The following RAPGEF1 variants were observed in gnomAD, a reference collection of about 807,000 sequenced individuals.
RAPGEF1 encodes CRK SH3-binding GNRP.
In RAPGEF1, 33 loss-of-function variants were observed where a neutral mutation model predicts 143.3. The ratio of observed to expected loss-of-function variants is 0.23; its 90% CI spans 0.17 to 0.31. The LOEUF (loss-of-function observed/expected upper bound fraction) is 0.31. RAPGEF1 is among the 10% of genes least tolerant of loss of function. The pLI, the probability that RAPGEF1 is intolerant of heterozygous loss-of-function variation, is 1.00. For synonymous variants in RAPGEF1, 629 were observed against 676.5 expected, an observed-to-expected ratio of 0.93 and a Z score of 1.09; for missense variants, 1,199 against 1,645.4, an observed-to-expected ratio of 0.73 and a Z score of 4.69.
rs150860915 is a variant in RAPGEF1 at position 131,630,397 on chromosome 9, G to A, written c.652-73C>T. 5.5e-3 allele frequency: 8,035 copies of A among 1,450,356 alleles called. 36 individuals are homozygous for A. Among genetic ancestry groups the A allele is most frequent in the Non-Finnish European group, 6.7e-3 (6,960 of 1,038,060 alleles). 89.8% of individuals were successfully genotyped at this position (1,450,356 alleles called of 1,614,324 possible). A position where few individuals can be genotyped will look rare whatever the true frequency, so the allele number is the denominator to read the frequency against. On this transcript the variant is annotated intron_variant, in intron 5 of 26. Transcript: ENST00000683357. The stretch of plus-strand genomic sequence containing the variant: ...AGTTTCCACCAGAAGGCAGGCAGGT[G>A]CTGTCTGTCCTCTGCTGCTGAGTCT...
At chr9:131,587,889 T>C in intron 21 of RAPGEF1, 53 bp downstream of exon 21, 1 of 1,597,620 alleles carries the variant, frequency 6.3e-7, no homozygotes, top group South Asian at 1.1e-5. Flanking sequence ...GATGGGGGTT[T>C]CTCTCATTCA....
chr9:131,604,287 C>T (rs1956751745), intron 13 of RAPGEF1, among the ~76,000 whole-genome samples: 1 of 152,224 alleles, frequency 6.6e-6, no homozygotes, highest in South Asian at 2.1e-4. Context: ...GTAGTGGAGA[C>T]AGCAGGGGTC....
intron 3 of RAPGEF1, among the ~76,000 whole-genome samples, chr9:131,646,693 A>T (rs1334036578): frequency 6.6e-6 from 1 of 152,126 alleles, no homozygotes; most frequent in Non-Finnish European, 1.5e-5. Context: ...CCTCATTTCC[A>T]CACTATAGGA....
At chr9:131,666,387 A>T (rs901957058) in intron 1 of RAPGEF1, among the ~76,000 whole-genome samples, 61 of 147,958 alleles carry the variant, frequency 4.1e-4, no homozygotes, top group Admixed American at 1.9e-3. Context: ...TTAAAACAAA[A>T]TTTTTTTTTT....
intron 1 of RAPGEF1, among the ~76,000 whole-genome samples, chr9:131,695,651 C>A (rs1834114754): frequency 6.6e-6 from 1 of 152,090 alleles, no homozygotes; most frequent in Non-Finnish European, 1.5e-5. Context: ...GTCTGGCTCA[C>A]CCAGAAGAGG....
At chr9:131,691,845 G>C (rs962467906) in intron 1 of RAPGEF1, among the ~76,000 whole-genome samples, 3 of 151,986 alleles carry the variant, frequency 2.0e-5, no homozygotes, top group Admixed American at 6.6e-5. Context: ...TTGACATATT[G>C]CTGGTGTTTT....
intron 12 of RAPGEF1, among the ~76,000 whole-genome samples, chr9:131,606,147 C>T (rs776144048): frequency 2.0e-5 from 3 of 152,200 alleles, no homozygotes; most frequent in Non-Finnish European, 4.4e-5. Flanking sequence ...CCCCCAGATG[C>T]TCATCAGAGA....
chr9:131,671,166 G>A (rs934799060), intron 1 of RAPGEF1, among the ~76,000 whole-genome samples: 4 of 152,194 alleles, frequency 2.6e-5, no homozygotes, highest in East Asian at 1.9e-4. Flanking sequence ...AATAGTGATC[G>A]TTTTTCAAGA....
chr9:131,714,964 G>A (rs1346882960), intron 1 of RAPGEF1, among the ~76,000 whole-genome samples: 1 of 152,100 alleles, frequency 6.6e-6, no homozygotes, highest in African/African-American at 2.4e-5. Flanking sequence ...TCGAGCCTCA[G>A]CCTCCCAAAG....
intron 1 of RAPGEF1, among the ~76,000 whole-genome samples, chr9:131,737,808 C>CA (rs1227373070): frequency 1.3e-5 from 2 of 152,002 alleles, no homozygotes; most frequent in African/African-American, 4.8e-5. Flanking sequence ...ACTAAAAATA[C>CA]AAAAAAATTT....
chr9:131,649,837 C>T (rs186846756), intron 3 of RAPGEF1, among the ~76,000 whole-genome samples: 29 of 152,286 alleles, frequency 1.9e-4, no homozygotes, highest in African/African-American at 6.7e-4. Context: ...AGAGATGAGA[C>T]TCGCCCACAT....
At chr9:131,712,990 T>C (rs1442676938) in intron 1 of RAPGEF1, among the ~76,000 whole-genome samples, 2 of 152,032 alleles carry the variant, frequency 1.3e-5, no homozygotes, top group Non-Finnish European at 2.9e-5. Context: ...CAAAAAAACA[T>C]AGAGCCATCC....
intron 10 of RAPGEF1, among the ~76,000 whole-genome samples, chr9:131,624,514 C>T (rs940630219): frequency 6.6e-6 from 1 of 152,212 alleles, no homozygotes; most frequent in Non-Finnish European, 1.5e-5. Context: ...CCGCCACCCA[C>T]ACTTGTTCTA....
At chr9:131,692,641 C>A (rs955092800) in intron 1 of RAPGEF1, among the ~76,000 whole-genome samples, 2 of 152,200 alleles carry the variant, frequency 1.3e-5, no homozygotes, top group African/African-American at 4.8e-5. Context: ...CCCAAGACAT[C>A]AGAACAAGAT....
chr9:131,631,844 C>T (rs1447583333), intron 5 of RAPGEF1, among the ~76,000 whole-genome samples: 1 of 152,210 alleles, frequency 6.6e-6, no homozygotes, highest in East Asian at 1.9e-4. Flanking sequence ...GGTCAATAAT[C>T]ATAAGACATT....
At chr9:131,606,097 C>T (rs1379727987) in intron 12 of RAPGEF1, among the ~76,000 whole-genome samples, 1 of 152,146 alleles carries the variant, frequency 6.6e-6, no homozygotes, top group Non-Finnish European at 1.5e-5. Flanking sequence ...TGTGATCTTA[C>T]AACAGCTTTG....
chr9:131,631,277 C>A (rs1472353586), intron 5 of RAPGEF1, among the ~76,000 whole-genome samples: 1 of 152,182 alleles, frequency 6.6e-6, no homozygotes, highest in Non-Finnish European at 1.5e-5. Flanking sequence ...AGTTGTGTGA[C>A]CATCAACACA....
chr9:131,630,439 G>GATT (rs1214897482), intron 5 of RAPGEF1, 115 bp from the exon 6 acceptor site: 13 of 959,676 alleles, frequency 1.4e-5, no homozygotes, highest in Non-Finnish European at 1.9e-5. Context: ...TGTGCCTACA[G>GATT]ATTCCCCACG....
chr9:131,612,898 A>G (rs566063695), intron 12 of RAPGEF1, among the ~76,000 whole-genome samples: 1 of 152,344 alleles, frequency 6.6e-6, no homozygotes, highest in South Asian at 2.1e-4. Flanking sequence ...AATGAGGAAG[A>G]AAATGGATTC....
Sources: allele counts gnomAD v4.1 joint callset (sites outside exome capture counted in the v4.1 genomes callset), GRCh38; gene constraint gnomAD v4.1.1; transcripts MANE v1.5; gene names NCBI Gene and HGNC (gene_info 2026-07-23, HGNC 2026-07-21).